SLC12A3: variants seen among roughly 807,000 people sequenced by gnomAD.
The protein encoded by SLC12A3 is solute carrier family 12 member 3.
SLC12A3 carries 104 observed loss-of-function variants against 121.0 expected under a neutral mutation model. That is an observed-to-expected ratio of 0.86 (90% CI 0.73 to 1.01). The LOEUF is 1.01. Ranked by LOEUF, SLC12A3 falls within the 50% of genes least tolerant of loss-of-function variation. The pLI is 0.00. For missense variants in SLC12A3, 1,328 were observed against 1,356.3 expected, an observed-to-expected ratio of 0.98 and a Z score of 0.33; for synonymous variants, 536 against 533.4, an observed-to-expected ratio of 1.00 and a Z score of -0.07.
chr16:56,874,582 C>A (rs1169407561), intron 8 of SLC12A3, among the ~76,000 whole-genome samples: 1 of 152,214 alleles, frequency 6.6e-6, no homozygotes, highest in Admixed American at 6.5e-5. Flanking sequence ...AGGTGGATCA[C>A]TTGAGGTCGG....
At chr16:56,897,362 C>A (rs1238080924) in intron 22 of SLC12A3, among the ~76,000 whole-genome samples, 1 of 152,170 alleles carries the variant, frequency 6.6e-6, no homozygotes, top group Non-Finnish European at 1.5e-5. Flanking sequence ...CCCTTTGCAA[C>A]TATCTTGGCT....
intron 25 of SLC12A3, among the ~76,000 whole-genome samples, chr16:56,912,569 G>A (rs1436209572): frequency 6.6e-6 from 1 of 152,176 alleles, no homozygotes; most frequent in African/African-American, 2.4e-5. Context: ...GGCATGAAGC[G>A]GGTGGCCTGA....
At chr16:56,887,830 C>A (rs1275046791) in intron 17 of SLC12A3, 95 bp from the exon 18 acceptor site, 9 of 550,206 alleles carry the variant, frequency 1.6e-5, no homozygotes, top group African/African-American at 2.7e-5. Flanking sequence ...AGAATCAGCA[C>A]ATCTGGAGAC....
Position 56,887,098 on chromosome 16 carries a change from C to G in SLC12A3, c.2178+5C>G. On this transcript the variant is annotated splice_donor_5th_base_variant and intron_variant, in intron 17 of 25. Coordinates refer to ENST00000563236, the MANE Select transcript of SLC12A3 (RefSeq NM_001126108.2). ...GGCGTCCAGATCCTCATGCAGGTGC[C>G]ATGGACTGGGGGCTCCCCTACAGGA... 6.2e-7 allele frequency: 1 copy of G among 1,613,896 alleles called. No homozygotes were observed. Among genetic ancestry groups the G allele is most frequent in the Non-Finnish European group, 8.5e-7 (1 of 1,180,034 alleles).
intron 23 of SLC12A3, 105 bp downstream of exon 23, chr16:56,899,721 C>G (rs1323680582): frequency 3.6e-6 from 3 of 831,364 alleles, no homozygotes; most frequent in Non-Finnish European, 6.3e-6. Context: ...GCAAGGGTCT[C>G]TCCTCCAAGC....
chr16:56,885,304 A>G lies in SLC12A3; in HGVS notation c.1865A>G (p.Asn622Ser), dbSNP rs61746763. The stretch of plus-strand genomic sequence containing the variant: ...TCCTCGGTACAGGCTGGCTCCTACA[A>G]CCTGGCCCTCAGCTACTCGGTGGGC... ...WGSSVQAGSY[N>S]LALSYSVGLN... The change falls in exon 15 of 26, where the codon AAC becomes AGC. Residue 622 changes from asparagine to serine, a missense_variant. Coordinates refer to ENST00000563236, the MANE Select transcript of SLC12A3 (RefSeq NM_001126108.2). 5,005 of 1,555,576 alleles carry G rather than the reference A, an allele frequency of 3.2e-3. 80 individuals carry two copies. The African/African-American group carries it at 0.046, about 14-fold the overall frequency.
At chr16:56,897,030 T>G (rs1380702903) in intron 22 of SLC12A3, among the ~76,000 whole-genome samples, 10 of 151,604 alleles carry the variant, frequency 6.6e-5, no homozygotes, top group African/African-American at 2.4e-4. Flanking sequence ...AGGCGAAGGT[T>G]GCAGTGAGCC....
At position 56,908,161 on chromosome 16, in the gene SLC12A3, C is replaced by CTTTTTTTTTTTTTTTTTTTTTTTTTTTT. The variant is rs55644914; in HGVS notation, c.2924+3718_2924+3719insTTTTTTTTTTTTTTTTTTTTTTTTTTTT. Among the ~76,000 whole-genome samples the CTTTTTTTTTTTTTTTTTTTTTTTTTTTT allele has an allele frequency of 4.3e-4, 42 of 96,950 alleles. 5 individuals are homozygous for CTTTTTTTTTTTTTTTTTTTTTTTTTTTT. Among genetic ancestry groups the CTTTTTTTTTTTTTTTTTTTTTTTTTTTT allele is most frequent in the African/African-American group, 6.9e-4 (15 of 21,854 alleles). 63.6% of individuals were successfully genotyped at this position (96,950 alleles called of 152,430 possible). The stretch of plus-strand genomic sequence containing the variant: ...ATTCATTTCTCAGATAGTGATATAA[C>CTTTTTTTTTTTTTTTTTTTTTTTTTTTT]TTTTTTTTTTTTTTTTTTTGAGGCA... On this transcript the variant is annotated intron_variant, in intron 25 of 25. Coordinates refer to ENST00000563236, the MANE Select transcript of SLC12A3 (RefSeq NM_001126108.2).
chr16:56,909,553 A>G (rs1044569274), intron 25 of SLC12A3, among the ~76,000 whole-genome samples: 1 of 151,992 alleles, frequency 6.6e-6, no homozygotes, highest in Non-Finnish European at 1.5e-5. Flanking sequence ...GTCCCACCCC[A>G]TGCCAGTAGC....
intron 13 of SLC12A3, 63 bp downstream of exon 13, chr16:56,882,560 G>A (rs755209488): frequency 1.0e-4 from 136 of 1,301,310 alleles, no homozygotes; most frequent in Non-Finnish European, 1.4e-4. Context: ...ACTGGGGCAT[G>A]GGGTGGGAGT....
chr16:56,908,180 T>TTTTTTTTTTTTTTTTTTTTTTTTTG (rs2055634328), intron 25 of SLC12A3, among the ~76,000 whole-genome samples: 1 of 148,508 alleles, frequency 6.7e-6, no homozygotes, highest in Non-Finnish European at 1.5e-5. Flanking sequence ...TTTTTTTTTT[T>TTTTTTTTTTTTTTTTTTTTTTTTTG]GAGGCAGAGT....
intron 8 of SLC12A3, among the ~76,000 whole-genome samples, chr16:56,877,787 C>T (rs2055182281): frequency 6.6e-6 from 1 of 152,188 alleles, no homozygotes; most frequent in African/African-American, 2.4e-5. Context: ...AGGCGTGGAG[C>T]TGTTGAATTT....
intron 15 of SLC12A3, 99 bp downstream of exon 15, chr16:56,885,463 C>A (rs1284797956): frequency 3.7e-6 from 3 of 805,164 alleles, no homozygotes; most frequent in Non-Finnish European, 4.2e-6. Flanking sequence ...CCCAGGCAGA[C>A]CCAGGGTATG....
chr16:56,876,180 C>T (rs1310133995), intron 8 of SLC12A3, among the ~76,000 whole-genome samples: 1 of 152,068 alleles, frequency 6.6e-6, no homozygotes, highest in African/African-American at 2.4e-5. Flanking sequence ...CTCACGTGGC[C>T]TTCTTTCATC....
rs757293429 is a variant in SLC12A3, at chr16:56,902,523, G to T, written c.2856+15G>T. On this transcript the variant is annotated intron_variant, in intron 24 of 25. Coordinates refer to ENST00000563236, the MANE Select transcript of SLC12A3 (RefSeq NM_001126108.2). ...ACAGAGTCAAGGTGCAGAGAGGGGTGGGGGTGGGAAACGCGACACATCACT... is the reference window on the plus strand; with the variant it reads ...ACAGAGTCAAGGTGCAGAGAGGGGTTGGGGTGGGAAACGCGACACATCACT... 1.9e-6 allele frequency: 3 copies of T among 1,585,594 alleles called. No individual in the cohort carries two copies. The highest frequency in any genetic ancestry group is 2.2e-5 in the South Asian group (2 of 90,428).
intron 24 of SLC12A3, 23 bp downstream of exon 24, chr16:56,902,531 G>GGGGGGCGCC: frequency 4.2e-6 from 3 of 714,450 alleles, no homozygotes; most frequent in Non-Finnish European, 7.2e-6. Flanking sequence ...GTGGGGGTGG[G>GGGGGGCGCC]AAACGCGACA....
intron 1 of SLC12A3, 70 bp downstream of exon 1, chr16:56,865,587 G>C (rs1354919375): frequency 3.3e-6 from 5 of 1,536,570 alleles, no homozygotes; most frequent in Non-Finnish European, 4.4e-6. Flanking sequence ...TAACCTCTCT[G>C]AGCCTCAGTT....
chr16:56,884,009 G>A (rs767161600), intron 13 of SLC12A3, 40 bp from the exon 14 acceptor site: 19 of 1,611,540 alleles, frequency 1.2e-5, no homozygotes, highest in South Asian at 6.6e-5. Flanking sequence ...AAAGAGGCTC[G>A]ACTGCCAGGC....
chr16:56,884,499 TC>T (rs2055285163), intron 14 of SLC12A3, among the ~76,000 whole-genome samples: 1 of 152,096 alleles, frequency 6.6e-6, no homozygotes, highest in Admixed American at 6.5e-5. Context: ...CCTAGGGCTG[TC>T]CCCCAAGAGG....
Sources: gnomAD v4.1 joint callset for allele counts (sites outside exome capture counted in the v4.1 genomes callset) on GRCh38, gnomAD v4.1.1 for gene constraint, MANE v1.5 for transcripts, NCBI Gene and HGNC (gene_info 2026-07-23, HGNC 2026-07-21) for gene names.